Variants in ARHGAP24 observed in about 807,000 individuals in gnomAD.
ARHGAP24 encodes rho GTPase-activating protein 24.
Under a neutral mutation model 76.4 loss-of-function variants are expected in ARHGAP24, and 50 were observed. That is an observed-to-expected ratio of 0.65 (90% CI 0.52 to 0.83). The LOEUF is 0.83. Among genes scored for constraint, ARHGAP24 ranks in the 40% least tolerant of loss-of-function variants. ARHGAP24 has a pLI of 0.00. For missense variants in ARHGAP24, 930 were observed against 914.2 expected (o/e 1.02, Z -0.22); for synonymous variants, 345 against 323.3 (o/e 1.07, Z -0.72).
chr4:85,546,097 T>C (rs2110125990), intron 1 of ARHGAP24, among the ~76,000 whole-genome samples: 1 of 152,156 alleles, frequency 6.6e-6, no homozygotes, highest in East Asian at 1.9e-4. Flanking sequence ...ATAATAATAG[T>C]ACATACTTCA....
chr4:85,893,866 G>A (rs1408960091), intron 3 of ARHGAP24, among the ~76,000 whole-genome samples: 3 of 142,250 alleles, frequency 2.1e-5, no homozygotes, highest in African/African-American at 7.9e-5. Context: ...ACCAAACACC[G>A]CATATTCTCA....
intron 3 of ARHGAP24, among the ~76,000 whole-genome samples, chr4:85,901,121 T>C (rs1160734530): frequency 1.3e-5 from 2 of 152,206 alleles, no homozygotes; most frequent in African/African-American, 2.4e-5. Flanking sequence ...GACCAAGCTC[T>C]TTTCTTTAAG....
Position 85,995,277 on chromosome 4 carries a change from G to A in ARHGAP24, c.1623G>A (p.Met541Ile), listed in dbSNP as rs755575001. Residue 541 changes from methionine (M) to isoleucine (I), a missense_variant, in exon 9 of 10, where the codon ATG (methionine) becomes ATA (isoleucine). Coordinates refer to ENST00000395184, the MANE Select transcript of ARHGAP24 (RefSeq NM_001025616.3). ...ATAATGTCCATCAACAGTTCTCCAT[G>A]ATGAACCTTGATGACAAGCAGAGCA... The part of the protein sequence containing the change: ...TYDNVHQQFS[M>I]MNLDDKQSID... 1 of 1,613,990 alleles carries A rather than the reference G, an allele frequency of 6.2e-7. No individual in the cohort carries two copies. Among genetic ancestry groups the A allele is most frequent in the Non-Finnish European group, 8.5e-7 (1 of 1,180,032 alleles).
chr4:85,818,726 A>C (rs1729347712), intron 3 of ARHGAP24, among the ~76,000 whole-genome samples: 1 of 152,184 alleles, frequency 6.6e-6, no homozygotes, highest in Non-Finnish European at 1.5e-5. Context: ...ATATATTTTC[A>C]TTGGAGAGAA....
At position 85,753,317 on chromosome 4, in the gene ARHGAP24, T is replaced by C. The variant is rs906953964; in HGVS notation, c.268+31345T>C. Among the ~76,000 whole-genome samples, 3 of 152,156 alleles carry C rather than the reference T, an allele frequency of 2.0e-5. No homozygotes were observed. In the East Asian group the frequency reaches 5.8e-4, roughly 29 times the overall value. ...ATGGGCATAGTAGACTTGGTACCAT[T>C]AGAAATGTTACTCCTTCCTTAGGAC... is the stretch of plus-strand genomic sequence containing the variant. On this transcript the variant is annotated intron_variant, in intron 3 of 9. Transcript: ENST00000395184.
chr4:85,540,025 A>G (rs1454537646), intron 1 of ARHGAP24, among the ~76,000 whole-genome samples: 1 of 152,132 alleles, frequency 6.6e-6, no homozygotes, highest in East Asian at 1.9e-4. Flanking sequence ...AGCCTAGGCA[A>G]TGGAGTAAGC....
intron 8 of ARHGAP24, chr4:85,991,910 G>A: frequency 2.7e-6 from 1 of 375,136 alleles, no homozygotes; most frequent in Non-Finnish European, 4.7e-6. Flanking sequence ...ATATATTTTT[G>A]CATTTACATA....
chr4:85,667,101 G>A (rs1180301955), intron 2 of ARHGAP24, among the ~76,000 whole-genome samples: 1 of 152,230 alleles, frequency 6.6e-6, no homozygotes, highest in Non-Finnish European at 1.5e-5. Context: ...GCCCCCAGAG[G>A]TGGAGCCTAC....
Position 86,000,745 on chromosome 4 carries a change from T to A in ARHGAP24, c.*23T>A, listed in dbSNP as rs1364779857. Reference sequence around the variant, plus strand: ...TGAGCCTGCTTTCGCCTGCTGTCTCTGATGGCTCTGGCAAGGACTCCAGGG... The same window carrying A: ...TGAGCCTGCTTTCGCCTGCTGTCTCAGATGGCTCTGGCAAGGACTCCAGGG... On this transcript the variant is annotated 3_prime_UTR_variant, in exon 10 of 10. Transcript: ENST00000395184. 1 of 1,613,348 alleles carries A rather than the reference T, an allele frequency of 6.2e-7. No homozygotes were observed. Among genetic ancestry groups the A allele is most frequent in the South Asian group, 1.1e-5 (1 of 91,014 alleles).
chr4:85,683,825 T>C (rs1723321170), intron 2 of ARHGAP24, among the ~76,000 whole-genome samples: 2 of 152,236 alleles, frequency 1.3e-5, no homozygotes, highest in African/African-American at 4.8e-5. Flanking sequence ...TGACTATTTT[T>C]GATACCTCGT....
chr4:85,869,501 C>T (rs762655922), intron 3 of ARHGAP24, among the ~76,000 whole-genome samples: 8 of 152,042 alleles, frequency 5.3e-5, no homozygotes, highest in Non-Finnish European at 8.8e-5. Context: ...TCTAACTCTC[C>T]CTAAATTACT....
At chr4:85,517,807 A>C (rs1378154344) in intron 1 of ARHGAP24, among the ~76,000 whole-genome samples, 1 of 152,158 alleles carries the variant, frequency 6.6e-6, no homozygotes, top group Non-Finnish European at 1.5e-5. Context: ...TTCAGTAGTC[A>C]TTTCTAAAAT....
At chr4:85,574,097 T>G (rs1727262877) in intron 2 of ARHGAP24, among the ~76,000 whole-genome samples, 1 of 152,220 alleles carries the variant, frequency 6.6e-6, no homozygotes, top group African/African-American at 2.4e-5. Flanking sequence ...CTTTTTGTTT[T>G]TTTACTTTCT....
chr4:85,558,118 T>A (rs1444942256), intron 1 of ARHGAP24, among the ~76,000 whole-genome samples: 1 of 152,108 alleles, frequency 6.6e-6, no homozygotes, highest in Non-Finnish European at 1.5e-5. Flanking sequence ...CTGAGTCACA[T>A]GTCCATTTCC....
At chr4:85,564,486 A>G (rs912619373) in intron 1 of ARHGAP24, among the ~76,000 whole-genome samples, 5 of 152,092 alleles carry the variant, frequency 3.3e-5, no homozygotes, top group Middle Eastern at 3.4e-3. Flanking sequence ...GCACATGTAT[A>G]CATATGTAAC....
intron 6 of ARHGAP24, among the ~76,000 whole-genome samples, chr4:85,974,097 C>G (rs1413214026): frequency 1.3e-5 from 2 of 150,572 alleles, no homozygotes; most frequent in Non-Finnish European, 3.0e-5. Context: ...ACCCCGTGAT[C>G]CACCTACCTC....
At chr4:85,814,034 G>T (rs1364136887) in intron 3 of ARHGAP24, among the ~76,000 whole-genome samples, 2 of 151,830 alleles carry the variant, frequency 1.3e-5, no homozygotes, top group Admixed American at 6.6e-5. Context: ...AGAGCCAAGA[G>T]AAATAGGTTT....
chr4:85,906,292 C>T (rs79151083), intron 3 of ARHGAP24, among the ~76,000 whole-genome samples: 4,463 of 152,088 alleles, frequency 0.029, 125 homozygotes, highest in East Asian at 0.11. Context: ...ATGAGGACAC[C>T]CATGTCATAT....
intron 4 of ARHGAP24, among the ~76,000 whole-genome samples, chr4:85,938,167 A>G (rs1009165117): frequency 1.3e-5 from 2 of 152,198 alleles, no homozygotes; most frequent in Non-Finnish European, 2.9e-5. Flanking sequence ...TTCTCAGTCT[A>G]GTGAAAAGTC....
Sources: gnomAD v4.1 joint callset for allele counts (sites outside exome capture counted in the v4.1 genomes callset) on GRCh38, gnomAD v4.1.1 for gene constraint, MANE v1.5 for transcripts, NCBI Gene and HGNC (gene_info 2026-07-23, HGNC 2026-07-21) for gene names.